The following TINAG variants were observed in gnomAD, a reference collection of about 807,000 sequenced individuals.
The protein encoded by TINAG is tubulointerstitial nephritis antigen.
Under a neutral mutation model 72.7 loss-of-function variants are expected in TINAG, and 83 were observed. The observed-to-expected ratio is 1.14, with a 90% CI of 0.96 to 1.37. The LOEUF is 1.37. Among genes scored for constraint, TINAG ranks in the 40% most tolerant of loss-of-function variants. The probability of loss-of-function intolerance (pLI) is 0.00; values close to 1 mark genes in which losing one functional copy is unlikely to be tolerated. For missense variants in TINAG, 685 were observed against 576.6 expected (o/e 1.19, Z -1.93); for synonymous variants, 234 against 189.9 (o/e 1.23, Z -1.91).
intron 9 of TINAG, among the ~76,000 whole-genome samples, chr6:54,364,145 G>T (rs1258244181): frequency 6.6e-6 from 1 of 151,412 alleles, no homozygotes; most frequent in Admixed American, 6.6e-5. Context: ...TAGGTGTTTA[G>T]GAGGGGAAGA....
At chr6:54,323,778 A>G (rs987123396) in intron 3 of TINAG, among the ~76,000 whole-genome samples, 19 of 152,050 alleles carry the variant, frequency 1.2e-4, no homozygotes, top group African/African-American at 4.1e-4. Flanking sequence ...ACATGGTGAA[A>G]CCCCATCTCT....
At chr6:54,308,013 G>A (rs1259751858), upstream of TINAG, 3 of 1,546,746 alleles carry the variant, frequency 1.9e-6, no homozygotes, top group South Asian at 1.2e-5. Flanking sequence ...TGTGTGACTG[G>A]GCATGATTTA....
intron 5 of TINAG, among the ~76,000 whole-genome samples, chr6:54,344,130 G>T (rs990308228): frequency 2.0e-5 from 3 of 152,132 alleles, no homozygotes; most frequent in African/African-American, 7.2e-5. Flanking sequence ...GAGTTTGCAG[G>T]TAATTTCAAC....
chr6:54,367,088 C>A (rs1763454988), intron 9 of TINAG: 1 of 151,672 alleles, frequency 6.6e-6, no homozygotes, highest in Non-Finnish European at 1.5e-5. Context: ...AACTTACATG[C>A]CTTTGCAGCA....
chr6:54,332,226 G>A (rs1318176318), intron 4 of TINAG, among the ~76,000 whole-genome samples: 2 of 152,078 alleles, frequency 1.3e-5, no homozygotes, highest in East Asian at 1.9e-4. Flanking sequence ...TATACTACAA[G>A]GCTACTGTAA....
chr6:54,344,914 C>T (rs1474140631), intron 5 of TINAG, among the ~76,000 whole-genome samples: 7 of 151,976 alleles, frequency 4.6e-5, no homozygotes, highest in African/African-American at 7.2e-5. Flanking sequence ...TAAAAAATTA[C>T]GTCGAGAAGT....
At position 54,308,876 on chromosome 6, in the gene TINAG, C is replaced by T. The variant is rs530083525; in HGVS notation, c.326C>T (p.Pro109Leu). 1.2e-5 allele frequency: 19 copies of T among 1,612,680 alleles called. No individual in the cohort carries two copies. The African/African-American group carries it at 2.4e-4, about 20-fold the overall frequency. Residue 109 changes from proline to leucine, a missense_variant, in exon 1 of 11, where the codon CCT becomes CTT. Coordinates refer to ENST00000259782, the MANE Select transcript of TINAG (RefSeq NM_014464.4). The stretch of plus-strand genomic sequence containing the variant: ...TTTTGCCGTGAAGAGAAAGAATGGC[C>T]TCCTCACACACAGCCTTGGTATCCA... ...KSFCREEKEWPPHTQPWYPEG... is the reference protein window; with the variant it reads ...KSFCREEKEWLPHTQPWYPEG...
intron 1 of TINAG, among the ~76,000 whole-genome samples, chr6:54,315,345 C>T (rs1784347615): frequency 6.6e-6 from 1 of 151,904 alleles, no homozygotes; most frequent in African/African-American, 2.4e-5. Flanking sequence ...ATTTTCTTTG[C>T]CATATCTGAT....
At chr6:54,371,087 C>T (rs571400592) in intron 9 of TINAG, among the ~76,000 whole-genome samples, 2 of 150,582 alleles carry the variant, frequency 1.3e-5, no homozygotes, top group South Asian at 4.2e-4. Context: ...CTTTACATTC[C>T]AAAAAAATGT....
At chr6:54,382,841 A>T (rs1231835113) in intron 10 of TINAG, among the ~76,000 whole-genome samples, 1 of 152,156 alleles carries the variant, frequency 6.6e-6, no homozygotes, top group African/African-American at 2.4e-5. Flanking sequence ...AGACAAGCAG[A>T]TTCCTCCTTT....
chr6:54,343,404 A>C, intron 5 of TINAG, 55 bp downstream of exon 5: 1 of 1,361,888 alleles, frequency 7.3e-7, no homozygotes, highest in Non-Finnish European at 9.6e-7. Context: ...GGCTCTAGAG[A>C]CTGAGAGAAT....
At chr6:54,348,836 T>A (rs1461944522) in intron 6 of TINAG, among the ~76,000 whole-genome samples, 1 of 152,134 alleles carries the variant, frequency 6.6e-6, no homozygotes, top group African/African-American at 2.4e-5. Flanking sequence ...TGTTTGAGTG[T>A]TTTCAATGGT....
At chr6:54,379,886 C>T (rs1276252518) in intron 9 of TINAG, among the ~76,000 whole-genome samples, 2 of 151,846 alleles carry the variant, frequency 1.3e-5, no homozygotes, top group South Asian at 2.1e-4. Context: ...ACTCATCAAC[C>T]AGTCATCTAC....
At position 54,350,452 on chromosome 6, in the gene TINAG, G is replaced by A. The variant is rs991872976; in HGVS notation, c.1080+556G>A. On this transcript the variant is annotated intron_variant, in intron 7 of 10. Coordinates refer to ENST00000259782, the MANE Select transcript of TINAG (RefSeq NM_014464.4). ...AATACAATTCGGTGTTCTAACCATA[G>A]CACATTGGCCTTTCATGAGTTGGTT... Among the ~76,000 whole-genome samples, 10 of 151,786 alleles carry A rather than the reference G, an allele frequency of 6.6e-5. No individual in the cohort carries two copies. The South Asian group carries it at 2.1e-3, about 32-fold the overall frequency.
At chr6:54,387,273 A>T (rs1216636371) in intron 10 of TINAG, among the ~76,000 whole-genome samples, 1 of 152,174 alleles carries the variant, frequency 6.6e-6, no homozygotes, top group Non-Finnish European at 1.5e-5. Context: ...ATAGATGAGG[A>T]TTTGGAGTAA....
At chr6:54,379,293 C>G (rs1206915587) in intron 9 of TINAG, among the ~76,000 whole-genome samples, 2 of 152,138 alleles carry the variant, frequency 1.3e-5, no homozygotes, top group African/African-American at 2.4e-5. Context: ...AGACTTGGAG[C>G]CTTGGCTCAA....
At chr6:54,341,521 T>C (rs1158179225) in intron 4 of TINAG, among the ~76,000 whole-genome samples, 3 of 152,164 alleles carry the variant, frequency 2.0e-5, no homozygotes, top group African/African-American at 7.2e-5. Flanking sequence ...AATAACTTTC[T>C]TGTCAGGTGG....
chr6:54,372,138 C>A (rs1019682390), intron 9 of TINAG, among the ~76,000 whole-genome samples: 8 of 151,702 alleles, frequency 5.3e-5, no homozygotes, highest in African/African-American at 1.9e-4. Flanking sequence ...ATTGCAGACA[C>A]CTGCCACCAT....
At chr6:54,386,830 A>G (rs959493903) in intron 10 of TINAG, among the ~76,000 whole-genome samples, 2 of 152,340 alleles carry the variant, frequency 1.3e-5, no homozygotes, top group South Asian at 2.1e-4. Flanking sequence ...CGAAGAAAAC[A>G]TAGGCAAATA....
Sources: allele counts gnomAD v4.1 joint callset (sites outside exome capture counted in the v4.1 genomes callset), GRCh38; gene constraint gnomAD v4.1.1; transcripts MANE v1.5; gene names NCBI Gene and HGNC (gene_info 2026-07-23, HGNC 2026-07-21).